EP400: variants seen among roughly 807,000 people sequenced by gnomAD.
The protein encoded by EP400 is E1A binding protein p400.
A neutral mutation model predicts 354.1 loss-of-function variants in EP400; 105 were observed. The ratio of observed to expected loss-of-function variants is 0.30; its 90% CI spans 0.25 to 0.35. EP400 has a LOEUF of 0.35. EP400 is among the 10% of genes least tolerant of loss of function. The pLI, the probability that EP400 is intolerant of heterozygous loss-of-function variation, is 1.00. For synonymous variants in EP400, 1,646 were observed against 1,716.9 expected (o/e 0.96, Z 1.02); for missense variants, 3,280 against 4,121.0 (o/e 0.80, Z 5.59).
At chr12:131,995,105 C>T (rs1327874195) in intron 12 of EP400, 149 bp downstream of exon 12, 5 of 704,960 alleles carry the variant, frequency 7.1e-6, no homozygotes, top group Non-Finnish European at 1.2e-5. Flanking sequence ...TGCTCTCTCT[C>T]CTGACCTGGA....
At chr12:131,974,708 A>G (rs917654127) in intron 2 of EP400, among the ~76,000 whole-genome samples, 4 of 152,116 alleles carry the variant, frequency 2.6e-5, no homozygotes, top group Non-Finnish European at 4.4e-5. Context: ...TCAAGGTTGC[A>G]TTTTAAAGAC....
chr12:132,001,090 C>T (rs998560808), intron 12 of EP400, among the ~76,000 whole-genome samples: 1 of 151,922 alleles, frequency 6.6e-6, no homozygotes, highest in Non-Finnish European at 1.5e-5. Flanking sequence ...TTCTTCCCAC[C>T]GTGTGTGGAG....
rs1464807933 is a variant in EP400, at chr12:131,990,565, G to T, written c.2551-71G>T. 1 of 1,179,810 alleles carries T rather than the reference G, an allele frequency of 8.5e-7. No individual in the cohort carries two copies. The highest frequency in any genetic ancestry group is 1.5e-5 in the African/African-American group (1 of 65,218). The allele number at this position is 1,179,810 out of a possible 1,614,324, so 73.1% of individuals were successfully genotyped here. On this transcript the variant is annotated intron_variant, in intron 8 of 52. Coordinates refer to ENST00000389561, the MANE Select transcript of EP400 (RefSeq NM_015409.5). This position sits in a 1 kb window ranked among gnomAD's most constrained non-coding sequence, Gnocchi z 4.2. The stretch of plus-strand genomic sequence containing the variant: ...TCAGACTCTGCTTATGTGCTTTAGT[G>T]TTTTGTATGCAGAACGTCTGTAATT...
chr12:131,984,808 C>T (rs1275912100), intron 5 of EP400, among the ~76,000 whole-genome samples: 1 of 151,926 alleles, frequency 6.6e-6, no homozygotes, highest in East Asian at 1.9e-4. Context: ...AAACCATTCT[C>T]CTGCCTCAGC....
intron 6 of EP400, 74 bp from the exon 7 acceptor site, chr12:131,987,631 A>G (rs545641347): frequency 1.4e-6 from 2 of 1,389,870 alleles, no homozygotes; most frequent in Admixed American, 2.4e-5. Flanking sequence ...TAGGGCTTCA[A>G]ATTTCTGGGG....
At chr12:132,033,882 G>C (rs1050686313) in intron 30 of EP400, among the ~76,000 whole-genome samples, 3 of 151,976 alleles carry the variant, frequency 2.0e-5, no homozygotes, top group Non-Finnish European at 4.4e-5. Flanking sequence ...TTCAAATGCT[G>C]TATTTAAATT....
At chr12:131,993,719 C>G (rs999681884) in intron 11 of EP400, among the ~76,000 whole-genome samples, 6 of 152,208 alleles carry the variant, frequency 3.9e-5, no homozygotes, top group Admixed American at 3.3e-4. Flanking sequence ...ACAGGTGACT[C>G]TCCTGAATCC....
Position 132,050,838 on chromosome 12 carries a change from G to A in EP400, c.7394+183G>A, listed in dbSNP as rs1895263300. 1 of 680,470 alleles carries A rather than the reference G, an allele frequency of 1.5e-6. No individual in the cohort carries two copies. The highest frequency in any genetic ancestry group is 2.5e-6 in the Non-Finnish European group (1 of 393,340). 42.2% of individuals were successfully genotyped at this position (680,470 alleles called of 1,614,324 possible). On this transcript the variant is annotated intron_variant, in intron 41 of 52. Coordinates refer to ENST00000389561, the MANE Select transcript of EP400 (RefSeq NM_015409.5). The surrounding 1 kb of genome is among the most constrained non-coding windows in gnomAD (Gnocchi z 4.8). ...CCTGCCGTGGGCTAGGGTATGCATA[G>A]GACGGCCCCTGCCCTGTCTCTGTGT...
intron 2 of EP400, among the ~76,000 whole-genome samples, chr12:131,970,807 A>T (rs1647975444): frequency 6.6e-6 from 1 of 152,212 alleles, no homozygotes; most frequent in African/African-American, 2.4e-5. Context: ...TAGTGAGGTG[A>T]TTACCGCAAT....
At position 132,058,700 on chromosome 12, in the gene EP400, G is replaced by A. The variant is rs535388957; in HGVS notation, c.7885-3410G>A. Among the ~76,000 whole-genome samples the A allele has an allele frequency of 4.5e-4, 69 of 152,200 alleles. 1 individual carries two copies. The highest frequency in any genetic ancestry group is 1.4e-3 in the African/African-American group (59 of 41,520). On this transcript the variant is annotated intron_variant, in intron 45 of 52. Transcript: ENST00000389561. ...CAGTGGGGAGCCCTTAACGGTCTTAGAGCAGAGAGAAGTTCTAGGAAAATT... is the reference window on the plus strand; with the variant it reads ...CAGTGGGGAGCCCTTAACGGTCTTAAAGCAGAGAGAAGTTCTAGGAAAATT...
At chr12:132,014,067 C>T (rs975703171) in intron 19 of EP400, among the ~76,000 whole-genome samples, 154 bp downstream of exon 19, 5 of 152,242 alleles carry the variant, frequency 3.3e-5, no homozygotes, top group African/African-American at 1.2e-4. Context: ...GCAGGCTCTG[C>T]AGCCTCAGGT....
chr12:132,046,167 G>A (rs1895091204), intron 39 of EP400, among the ~76,000 whole-genome samples: 1 of 152,226 alleles, frequency 6.6e-6, no homozygotes, highest in Non-Finnish European at 1.5e-5. Context: ...CCTCGTACCT[G>A]ATGTTTTATC....
Position 132,027,454 on chromosome 12 carries a change from G to A in EP400, c.5032G>A (p.Val1678Met), listed in dbSNP as rs542863202. The change falls in exon 26 of 53, where the codon GTG becomes ATG. Residue 1678 changes from valine (V) to methionine (M), a missense_variant. Val to Met is a conservative substitution (Grantham distance 21). Transcript: ENST00000389561. The surrounding 1 kb of genome is among the most constrained non-coding windows in gnomAD (Gnocchi z 4.9). ...LTPQVGVPGR[V>M]AVNALAVGEP... ...ATTTGTAGTTGGCGTTCCGGGCCGC[G>A]TGGCGGTGAATGCCTTGGCTGTAGG... The A allele has an allele frequency of 3.5e-5, 56 of 1,614,094 alleles. No individual in the cohort carries two copies. The East Asian group carries it at 8.7e-4, about 25-fold the overall frequency.
In EP400 at chr12:132,030,602, C is replaced by G. The variant is rs140643415; in HGVS notation, c.5754+444C>G. Among the ~76,000 whole-genome samples the G allele has an allele frequency of 3.4e-3, 517 of 152,272 alleles. 2 individuals carry two copies. The highest frequency in any genetic ancestry group is 0.013 in the South Asian group (63 of 4,826). On this transcript the variant is annotated intron_variant, in intron 29 of 52. Transcript: ENST00000389561. ...CGTGAAAGCATAAACTAGTATAGTT[C>G]TAGAAGGCAGCCTGGCAGTATGGAT...
At position 132,050,667 on chromosome 12, in the gene EP400, T is replaced by C. The variant is rs1895257436; in HGVS notation, c.7394+12T>C. On this transcript the variant is annotated intron_variant, in intron 41 of 52. Coordinates refer to ENST00000389561, the MANE Select transcript of EP400 (RefSeq NM_015409.5). The surrounding 1 kb of genome is among the most constrained non-coding windows in gnomAD (Gnocchi z 4.8). ...GTGTTGGCAGAAAGGTATTTCTCTA[T>C]TCGTGACACATTTGTTACTGTTTGG... 3 of 1,614,094 alleles carry C rather than the reference T, an allele frequency of 1.9e-6. No homozygotes were observed. Among genetic ancestry groups the C allele is most frequent in the Non-Finnish European group, 8.5e-7 (1 of 1,180,022 alleles).
At chr12:132,007,875 T>G (rs1269701542) in intron 15 of EP400, among the ~76,000 whole-genome samples, 1 of 152,236 alleles carries the variant, frequency 6.6e-6, no homozygotes, top group Middle Eastern at 3.4e-3. Flanking sequence ...CACAGTGGGC[T>G]TGTGGTGGGG....
At chr12:131,955,817 G>T (rs1464208503) in intron 1 of EP400, among the ~76,000 whole-genome samples, 1 of 151,472 alleles carries the variant, frequency 6.6e-6, no homozygotes, top group African/African-American at 2.4e-5. Flanking sequence ...GCTAATTTTT[G>T]TATTTTTAGT....
chr12:132,013,451 G>T lies in EP400; in HGVS notation c.3612-39G>T, dbSNP rs763396683. The T allele has an allele frequency of 2.4e-5, 37 of 1,522,356 alleles. No homozygotes were observed. Among genetic ancestry groups the T allele is most frequent in the Non-Finnish European group, 2.8e-5 (32 of 1,135,246 alleles). The allele number at this position is 1,522,356 out of a possible 1,614,324, so 94.3% of individuals were successfully genotyped here. A position where few individuals can be genotyped will look rare whatever the true frequency, so the allele number is the denominator to read the frequency against. On this transcript the variant is annotated intron_variant, in intron 17 of 52. Coordinates refer to ENST00000389561, the MANE Select transcript of EP400 (RefSeq NM_015409.5). This position sits in a 1 kb window ranked among gnomAD's most constrained non-coding sequence, Gnocchi z 4.5. ...AGATGCTGCTGCAGCCAGCCCCGTGGCTGTAGAACTCCAGTGTTGTCTCTT... is the reference window on the plus strand; with the variant it reads ...AGATGCTGCTGCAGCCAGCCCCGTGTCTGTAGAACTCCAGTGTTGTCTCTT...
rs369283473 is a variant in EP400 at position 132,025,633 on chromosome 12, C to T, written c.4856-13C>T. The T allele has an allele frequency of 8.2e-6, 13 of 1,588,444 alleles. No individual in the cohort carries two copies. The highest frequency in any genetic ancestry group is 1.0e-5 in the Non-Finnish European group (12 of 1,167,282). ...ATGCCTGTCATTGACACCTAGTGGA[C>T]CTATGATTGCAGGCAGCGTCCTCCA... On this transcript the variant is annotated splice_polypyrimidine_tract_variant and intron_variant, in intron 24 of 52. Coordinates refer to ENST00000389561, the MANE Select transcript of EP400 (RefSeq NM_015409.5). This position sits in a 1 kb window ranked among gnomAD's most constrained non-coding sequence, Gnocchi z 4.1.
Sources: gnomAD v4.1 joint callset for allele counts (sites outside exome capture counted in the v4.1 genomes callset) on GRCh38, gnomAD v4.1.1 for gene constraint, Gnocchi (gnomAD v3.1) non-coding constraint, MANE v1.5 for transcripts, NCBI Gene and HGNC (gene_info 2026-07-23, HGNC 2026-07-21) for gene names.